The following STARD3NL variants were observed in gnomAD, a reference collection of about 807,000 sequenced individuals.
The protein encoded by STARD3NL is STARD3 N-terminal-like protein.
A neutral mutation model predicts 30.9 loss-of-function variants in STARD3NL; 17 were observed. That is an observed-to-expected ratio of 0.55 (90% CI 0.38 to 0.82). STARD3NL has a LOEUF of 0.82. Ranked by LOEUF, STARD3NL falls within the 40% of genes least tolerant of loss-of-function variation. The pLI, the probability that STARD3NL is intolerant of heterozygous loss-of-function variation, is 0.00. For synonymous variants in STARD3NL, 112 were observed against 100.5 expected (o/e 1.11, Z -0.69); for missense variants, 234 against 277.6 (o/e 0.84, Z 1.12).
chr7:38,179,848 G>A (rs938770681), intron 1 of STARD3NL, among the ~76,000 whole-genome samples: 4 of 152,220 alleles, frequency 2.6e-5, no homozygotes, highest in African/African-American at 9.6e-5. Flanking sequence ...TGAATGTTTA[G>A]CTGAGTCAGC....
At chr7:38,220,612 C>T (rs979478190) in intron 7 of STARD3NL, among the ~76,000 whole-genome samples, 1 of 152,148 alleles carries the variant, frequency 6.6e-6, no homozygotes, top group African/African-American at 2.4e-5. Context: ...ATAGAGTTAC[C>T]ATATGATTCA....
intron 1 of STARD3NL, among the ~76,000 whole-genome samples, chr7:38,180,133 C>T (rs991449360): frequency 6.6e-6 from 1 of 152,216 alleles, no homozygotes; most frequent in African/African-American, 2.4e-5. Context: ...TAGTGATACT[C>T]ATAAACTCTA....
In STARD3NL at chr7:38,228,630, GAAAT is replaced by G. The variant is rs554954676; in HGVS notation, c.650-161_650-158del. On this transcript the variant is annotated intron_variant, in intron 7 of 8. Coordinates refer to ENST00000009041, the MANE Select transcript of STARD3NL (RefSeq NM_032016.4). The stretch of plus-strand genomic sequence containing the variant: ...TTGTTTAAAGGTTTTCCTGTTACAA[GAAAT>G]AAATAAAGCTTTCAAATAGCAGTTA... Among the ~76,000 whole-genome samples the G allele has an allele frequency of 3.2e-4, 49 of 152,288 alleles. 1 individual carries two copies. In the South Asian group the frequency reaches 9.1e-3, roughly 28 times the overall value.
intron 4 of STARD3NL, chr7:38,216,632 T>C (rs767579616): frequency 1.4e-4 from 26 of 182,810 alleles, no homozygotes; most frequent in Non-Finnish European, 2.5e-4. Flanking sequence ...GAAGGAACAG[T>C]GACAAGGCTC....
At chr7:38,194,114 C>A (rs1183015153) in intron 1 of STARD3NL, among the ~76,000 whole-genome samples, 3 of 152,028 alleles carry the variant, frequency 2.0e-5, no homozygotes, top group Non-Finnish European at 2.9e-5. Flanking sequence ...TTTGCTGCTT[C>A]TTAGTGTAAT....
Position 38,219,646 on chromosome 7 carries a change from C to T in STARD3NL, c.635C>T (p.Pro212Leu), listed in dbSNP as rs1400034194. ...GLSDGQFYSP[P>L]ESEAGSEEAE... The stretch of plus-strand genomic sequence containing the variant: ...TCTGATGGTCAGTTTTATTCCCCTC[C>T]TGAATCCGAAGCAGGTAAAAAACTT... Residue 212 changes from proline to leucine, a missense_variant, in exon 7 of 9, where the codon CCT becomes CTT. Physicochemically the swap from Pro to Leu is moderately conservative, Grantham distance 98. Transcript: ENST00000009041. 6.2e-7 allele frequency: 1 copy of T among 1,612,394 alleles called. No individual in the cohort carries two copies. The highest frequency in any genetic ancestry group is 2.2e-5 in the East Asian group (1 of 44,816).
At position 38,207,450 on chromosome 7, in the gene STARD3NL, T is replaced by A; in HGVS notation, c.-55T>A. The A allele has an allele frequency of 6.9e-7, 1 of 1,459,144 alleles. No homozygotes were observed. Among genetic ancestry groups the A allele is most frequent in the Non-Finnish European group, 9.5e-7 (1 of 1,056,714 alleles). The allele number at this position is 1,459,144 out of a possible 1,614,324, so 90.4% of individuals were successfully genotyped here. On this transcript the variant is annotated 5_prime_UTR_variant, in exon 2 of 9. Transcript: ENST00000009041. ...GTCTCTTTTTTATTTCCCAAAGGTG[T>A]CTTCTCTTTAGGGATGGTGAGGTTG...
chr7:38,187,531 G>A (rs1023022102), intron 1 of STARD3NL, among the ~76,000 whole-genome samples: 17 of 151,836 alleles, frequency 1.1e-4, no homozygotes, highest in Admixed American at 9.2e-4. Context: ...ACATTTTTTC[G>A]GTGCTCAATG....
At chr7:38,202,480 G>A (rs921276709) in intron 1 of STARD3NL, among the ~76,000 whole-genome samples, 3 of 152,046 alleles carry the variant, frequency 2.0e-5, no homozygotes, top group East Asian at 1.9e-4. Flanking sequence ...GTGTGAAAAA[G>A]GCCAAAGGAG....
rs1397780505 is a variant in STARD3NL, at chr7:38,224,901, A to G, written c.650-3898A>G. ...CAAACTTTTTCATAGGTATGTATGTATAAGAAAAAACATAATACTGATAGG... is the reference window on the plus strand; with the variant it reads ...CAAACTTTTTCATAGGTATGTATGTGTAAGAAAAAACATAATACTGATAGG... On this transcript the variant is annotated intron_variant, in intron 7 of 8. Coordinates refer to ENST00000009041, the MANE Select transcript of STARD3NL (RefSeq NM_032016.4). Among the ~76,000 whole-genome samples, 3 of 152,338 alleles carry G rather than the reference A, an allele frequency of 2.0e-5. No individual in the cohort carries two copies. In the East Asian group the frequency reaches 5.8e-4, roughly 29 times the overall value.
chr7:38,221,766 TG>T (rs1786476194), intron 7 of STARD3NL, among the ~76,000 whole-genome samples: 1 of 152,274 alleles, frequency 6.6e-6, no homozygotes, highest in Non-Finnish European at 1.5e-5. Flanking sequence ...CTGTGGGCAC[TG>T]TCACCAGTTG....
chr7:38,212,353 A>G (rs1026780151), intron 2 of STARD3NL, among the ~76,000 whole-genome samples: 16 of 152,122 alleles, frequency 1.1e-4, no homozygotes, highest in African/African-American at 3.9e-4. Context: ...TTTCTTCTAT[A>G]TGAAATGATT....
In STARD3NL at chr7:38,230,636, G is replaced by A. The variant is rs966380105; in HGVS notation, c.*731G>A. 3 of 152,096 alleles carry A rather than the reference G, an allele frequency of 2.0e-5. No individual in the cohort carries two copies. Among genetic ancestry groups the A allele is most frequent in the African/African-American group, 7.2e-5 (3 of 41,408 alleles). 9.4% of individuals were successfully genotyped at this position (152,096 alleles called of 1,614,324 possible). A position where few individuals can be genotyped will look rare whatever the true frequency, so the allele number is the denominator to read the frequency against. On this transcript the variant is annotated 3_prime_UTR_variant, in exon 9 of 9. Transcript: ENST00000009041. The stretch of plus-strand genomic sequence containing the variant: ...ACCATTCATATCATGTTTCCTTTGC[G>A]TTCAGCCAATTTCAATTAAAATGAA...
intron 1 of STARD3NL, among the ~76,000 whole-genome samples, chr7:38,195,297 C>A (rs1784854430): frequency 6.6e-6 from 1 of 152,170 alleles, no homozygotes; most frequent in Admixed American, 6.5e-5. Flanking sequence ...CCCATGTGAT[C>A]CACTTGCCTC....
chr7:38,183,824 A>G (rs1784343238), intron 1 of STARD3NL, among the ~76,000 whole-genome samples: 1 of 152,232 alleles, frequency 6.6e-6, no homozygotes, highest in Non-Finnish European at 1.5e-5. Flanking sequence ...TGTGGAACCC[A>G]TGTATGCAGG....
At chr7:38,178,600 C>T (rs1343468992) in intron 1 of STARD3NL, among the ~76,000 whole-genome samples, 180 bp downstream of exon 1, 3 of 152,216 alleles carry the variant, frequency 2.0e-5, no homozygotes, top group African/African-American at 7.2e-5. Flanking sequence ...AGGCTGTGCT[C>T]ATAATGGACA....
intron 7 of STARD3NL, among the ~76,000 whole-genome samples, chr7:38,220,943 AAAAAGAAAAGAAAAGAAAAG>A (rs139671679): frequency 2.6e-5 from 4 of 150,974 alleles, no homozygotes; most frequent in African/African-American, 9.8e-5. Flanking sequence ...GTCTCTATTA[AAAAAGAAAAGAAAAGAAAAG>A]AAAAGAAAAG....
chr7:38,178,804 G>GT lies in STARD3NL; in HGVS notation c.-59+385dup, dbSNP rs760524059. Among the ~76,000 whole-genome samples, 35 of 151,860 alleles carry GT rather than the reference G, an allele frequency of 2.3e-4. No individual in the cohort carries two copies. In the East Asian group the frequency reaches 3.1e-3, roughly 14 times the overall value. ...AAGAATTGGTGACTGGGTGTAATGC[G>GT]TGGGTTGTCCAGACACAGGCGGTTG... On this transcript the variant is annotated intron_variant, in intron 1 of 8. Coordinates refer to ENST00000009041, the MANE Select transcript of STARD3NL (RefSeq NM_032016.4).
rs999927373 is a variant in STARD3NL at position 38,220,459 on chromosome 7, A to C, written c.649+799A>C. Reference sequence around the variant, plus strand: ...TCATACCGATTAGGATGACTGTTACAAAAAGCAAAACCAAACAAAAAGACA... The same window carrying C: ...TCATACCGATTAGGATGACTGTTACCAAAAGCAAAACCAAACAAAAAGACA... On this transcript the variant is annotated intron_variant, in intron 7 of 8. Transcript: ENST00000009041. Among the ~76,000 whole-genome samples the C allele has an allele frequency of 3.3e-5, 5 of 152,346 alleles. No homozygotes were observed. In the East Asian group the frequency reaches 9.6e-4, roughly 29 times the overall value.
Sources: allele counts gnomAD v4.1 joint callset (sites outside exome capture counted in the v4.1 genomes callset), GRCh38; gene constraint gnomAD v4.1.1; transcripts MANE v1.5; gene names NCBI Gene and HGNC (gene_info 2026-07-23, HGNC 2026-07-21).